DHX9: variants seen among roughly 807,000 people sequenced by gnomAD.
DHX9 encodes DExH-box helicase 9.
A neutral mutation model predicts 148.7 loss-of-function variants in DHX9; 27 were observed. That is an observed-to-expected ratio of 0.18 (90% CI 0.13 to 0.25). DHX9 has a LOEUF of 0.25. DHX9 is among the 10% of genes least tolerant of loss of function. The probability of loss-of-function intolerance (pLI) is 1.00; values close to 1 mark genes in which losing one functional copy is unlikely to be tolerated. For missense variants in DHX9, 796 were observed against 1,559.6 expected (o/e 0.51, Z 8.25); for synonymous variants, 529 against 516.6 (o/e 1.02, Z -0.33).
intron 1 of DHX9, 115 bp downstream of exon 1, chr1:182,839,571 G>C (rs1402986588): frequency 1.3e-5 from 2 of 152,786 alleles, no homozygotes; most frequent in African/African-American, 4.8e-5. Flanking sequence ...CGGCGGCTGG[G>C]GGTGGGGGAA....
intron 26 of DHX9, among the ~76,000 whole-genome samples, 160 bp downstream of exon 26, chr1:182,883,795 G>A (rs973288011): frequency 6.6e-6 from 1 of 152,040 alleles, no homozygotes; most frequent in Non-Finnish European, 1.5e-5. Flanking sequence ...AAATGCATTA[G>A]GAATTTGAGC....
At chr1:182,859,482 C>A (rs74538204) in intron 11 of DHX9, among the ~76,000 whole-genome samples, 2,796 of 152,176 alleles carry the variant, frequency 0.018, 86 homozygotes, top group African/African-American at 0.065. Flanking sequence ...AAGATACATT[C>A]TTCAGAAGTG....
intron 16 of DHX9, 54 bp from the exon 17 acceptor site, chr1:182,875,996 T>G: frequency 7.0e-7 from 1 of 1,418,824 alleles, no homozygotes; most frequent in Admixed American, 1.8e-5. Context: ...TCTAGAAGAC[T>G]TACCTCATGA....
At chr1:182,879,552 TA>T in intron 21 of DHX9, 142 bp downstream of exon 21, 1 of 651,468 alleles carries the variant, frequency 1.5e-6, no homozygotes. Flanking sequence ...CCTCCAGTCT[TA>T]CCTTAGATAG....
In DHX9 at chr1:182,883,238, A is replaced by G; in HGVS notation, c.3014A>G (p.Tyr1005Cys). 1.9e-6 allele frequency: 3 copies of G among 1,614,114 alleles called. No homozygotes were observed. The highest frequency in any genetic ancestry group is 1.1e-5 in the South Asian group (1 of 91,084). The change falls in exon 25 of 28, where the codon TAT (tyrosine) becomes TGT (cysteine). Residue 1005 changes from tyrosine (Y) to cysteine (C), a missense_variant. Tyr to Cys is a radical substitution (Grantham distance 194). Coordinates refer to ENST00000367549, the MANE Select transcript of DHX9 (RefSeq NM_001357.5). Reference protein sequence around the residue: ...LAFGVYPNVCYHKEKRKILTT... With the variant: ...LAFGVYPNVCCHKEKRKILTT... ...TTTGGTGTGTACCCCAATGTATGCT[A>G]TCATAAGGAAAAGAGGAAGATTCTC... is the stretch of plus-strand genomic sequence containing the variant.
chr1:182,867,198 T>G lies in DHX9; in HGVS notation c.1557+155T>G, dbSNP rs114226177. Among the ~76,000 whole-genome samples the G allele has an allele frequency of 3.8e-3, 586 of 152,326 alleles. 2 individuals are homozygous for G. Among genetic ancestry groups the G allele is most frequent in the African/African-American group, 0.013 (551 of 41,576 alleles). On this transcript the variant is annotated intron_variant, in intron 14 of 27. Coordinates refer to ENST00000367549, the MANE Select transcript of DHX9 (RefSeq NM_001357.5). ...GTTGAAAATCTTTTTTTAGTGAGAT[T>G]ATTCAATCTTTTTTTTCTTTATTGT...
intron 13 of DHX9, 60 bp downstream of exon 13, chr1:182,866,645 G>A: frequency 6.5e-7 from 1 of 1,536,906 alleles, no homozygotes; most frequent in Non-Finnish European, 8.9e-7. Flanking sequence ...AAGAAAACTT[G>A]ATAGCAGAAC....
chr1:182,851,571 A>G (rs971325905), intron 3 of DHX9, among the ~76,000 whole-genome samples: 2 of 152,224 alleles, frequency 1.3e-5, no homozygotes, highest in Non-Finnish European at 2.9e-5. Context: ...GTTCTTTGCA[A>G]ACAGAAATAG....
At chr1:182,886,975 T>C in intron 27 of DHX9, 108 bp from the exon 28 acceptor site, 1 of 1,003,092 alleles carries the variant, frequency 1.0e-6, no homozygotes, top group East Asian at 2.4e-5. Context: ...GCATTTGGCT[T>C]CATTCCCTTT....
Position 182,876,557 on chromosome 1 carries a change from T to A in DHX9, c.2124+16T>A. 6.3e-7 allele frequency: 1 copy of A among 1,595,412 alleles called. No homozygotes were observed. Among genetic ancestry groups the A allele is most frequent in the Non-Finnish European group, 8.6e-7 (1 of 1,164,920 alleles). On this transcript the variant is annotated intron_variant, in intron 18 of 27. Transcript: ENST00000367549. ...AGTAACCAAGGTAAATATTAAACAT[T>A]AGAGTGATGGGATTGGAAGTGACGT...
At chr1:182,842,273 C>G (rs1667946807) in intron 1 of DHX9, among the ~76,000 whole-genome samples, 1 of 152,168 alleles carries the variant, frequency 6.6e-6, no homozygotes, top group Non-Finnish European at 1.5e-5. Flanking sequence ...AAAAATCACT[C>G]TTAGTCCCCA....
intron 16 of DHX9, chr1:182,875,249 T>C (rs539195751): frequency 2.4e-4 from 109 of 462,978 alleles, no homozygotes; most frequent in Non-Finnish European, 4.2e-4. Context: ...TTGTATAAGG[T>C]TTTGCTACTC....
intron 12 of DHX9, among the ~76,000 whole-genome samples, chr1:182,863,793 A>ATT (rs61680747): frequency 0.047 from 7,012 of 148,410 alleles, 478 homozygotes; most frequent in African/African-American, 0.15. Flanking sequence ...GAATTAGAAG[A>ATT]TTTTTTTTTT....
chr1:182,852,801 C>T (rs562791570), intron 4 of DHX9, among the ~76,000 whole-genome samples: 8 of 152,262 alleles, frequency 5.3e-5, no homozygotes, highest in African/African-American at 1.9e-4. Flanking sequence ...CTAGCAGCGA[C>T]ATTAATTGAG....
At chr1:182,884,117 CA>C (rs879734992) in intron 26 of DHX9, among the ~76,000 whole-genome samples, 1 of 151,960 alleles carries the variant, frequency 6.6e-6, no homozygotes, top group Non-Finnish European at 1.5e-5. Context: ...ACGAAAAATC[CA>C]AAAAAATTAG....
At chr1:182,842,712 A>T in intron 2 of DHX9, 35 bp downstream of exon 2, 1 of 1,530,058 alleles carries the variant, frequency 6.5e-7, no homozygotes, top group Non-Finnish European at 8.9e-7. Context: ...TATGTGATTT[A>T]TGAGGTTCAT....
intron 7 of DHX9, 148 bp downstream of exon 7, chr1:182,856,726 A>G (rs1459901273): frequency 4.9e-6 from 3 of 610,656 alleles, no homozygotes; most frequent in African/African-American, 3.7e-5. Flanking sequence ...TTAGAATATT[A>G]GTAATTATAT....
intron 22 of DHX9, 96 bp from the exon 23 acceptor site, chr1:182,881,168 C>T: frequency 8.2e-7 from 1 of 1,219,424 alleles, no homozygotes; most frequent in South Asian, 1.6e-5. Flanking sequence ...AGAATCATAG[C>T]CATAAAGACT....
chr1:182,877,674 A>C (rs1162205808), intron 19 of DHX9: 7 of 188,916 alleles, frequency 3.7e-5, no homozygotes, highest in Non-Finnish European at 7.7e-5. Flanking sequence ...AGATGACTTA[A>C]ATAATTACTT....
Sources: allele counts gnomAD v4.1 joint callset (sites outside exome capture counted in the v4.1 genomes callset), GRCh38; gene constraint gnomAD v4.1.1; transcripts MANE v1.5; gene names NCBI Gene and HGNC (gene_info 2026-07-23, HGNC 2026-07-21).